Variants in ARHGEF12 observed in about 807,000 individuals in gnomAD.
ARHGEF12 encodes Rho guanine nucleotide exchange factor 12.
Under a neutral mutation model 211.2 loss-of-function variants are expected in ARHGEF12, and 66 were observed. The ratio of observed to expected loss-of-function variants is 0.31; its 90% CI spans 0.26 to 0.38. The LOEUF (loss-of-function observed/expected upper bound fraction) is 0.38. Ranked by LOEUF, ARHGEF12 falls within the 10% of genes least tolerant of loss-of-function variation. The pLI is 1.00. For synonymous variants in ARHGEF12, 592 were observed against 638.4 expected (o/e 0.93, Z 1.09); for missense variants, 1,429 against 1,869.5 (o/e 0.76, Z 4.34).
intron 1 of ARHGEF12, among the ~76,000 whole-genome samples, chr11:120,386,587 A>T (rs1944035184): frequency 6.6e-6 from 1 of 152,162 alleles, no homozygotes; most frequent in South Asian, 2.1e-4. Flanking sequence ...TAGGTTCTTT[A>T]GATGTATATC....
chr11:120,448,881 T>C (rs1168401510), intron 20 of ARHGEF12: 1 of 432,094 alleles, frequency 2.3e-6, no homozygotes, highest in Non-Finnish European at 4.1e-6. Context: ...ACCCTTTGAT[T>C]TTCCAAAGCT....
Position 120,486,458 on chromosome 11 carries a change from A to G in ARHGEF12, c.*1381A>G, listed in dbSNP as rs1482859099. On this transcript the variant is annotated 3_prime_UTR_variant, in exon 41 of 41. Coordinates refer to ENST00000397843, the MANE Select transcript of ARHGEF12 (RefSeq NM_015313.3). Reference sequence around the variant, plus strand: ...GGTAACTGCCTGCTCTAGGATGAATAGTAGCGTTAGCAGCACCCTACAGAG... The same window carrying G: ...GGTAACTGCCTGCTCTAGGATGAATGGTAGCGTTAGCAGCACCCTACAGAG... 2.2e-5 allele frequency: 5 copies of G among 231,272 alleles called. No individual in the cohort carries two copies. The highest frequency in any genetic ancestry group is 4.3e-5 in the Non-Finnish European group (5 of 116,776). 14.3% of individuals were successfully genotyped at this position (231,272 alleles called of 1,614,324 possible). A position where few individuals can be genotyped will look rare whatever the true frequency, so the allele number is the denominator to read the frequency against.
rs1319438820 is a variant in ARHGEF12, at chr11:120,447,063, G to C, written c.1567G>C (p.Val523Leu). ...EKERTCAEQI[V>L]AKIEEVLMTA... is the part of the protein sequence containing the mutation. ...GGAGCGGACATGTGCAGAACAGATT[G>C]TTGCCAAAATTGAAGAAGTATTGTA... Residue 523 changes from valine to leucine, a missense_variant, in exon 18 of 41, where the codon GTT becomes CTT. Val to Leu is a conservative substitution (Grantham distance 32, BLOSUM62 1). This residue lies in a region of ARHGEF12 where 373 missense variants were observed against 467.5 expected (regional missense o/e 0.80). Coordinates refer to ENST00000397843, the MANE Select transcript of ARHGEF12 (RefSeq NM_015313.3). 6.2e-7 allele frequency: 1 copy of C among 1,614,012 alleles called. No homozygotes were observed. The highest frequency in any genetic ancestry group is 1.1e-5 in the South Asian group (1 of 91,026).
chr11:120,354,269 C>T (rs1943072405), intron 1 of ARHGEF12, among the ~76,000 whole-genome samples: 1 of 152,174 alleles, frequency 6.6e-6, no homozygotes, highest in Non-Finnish European at 1.5e-5. Context: ...AGTCCTACCC[C>T]AGAGTGGTTG....
intron 5 of ARHGEF12, among the ~76,000 whole-genome samples, chr11:120,421,429 GTTTTTTTTTTTTGT>G (rs1253200957): frequency 3.8e-5 from 3 of 79,880 alleles, no homozygotes; most frequent in South Asian, 5.9e-4. Flanking sequence ...TTACAGCCTT[GTTTTTTTTTTTTGT>G]TTTTTTTTTT....
chr11:120,339,690 G>A (rs1457673532), intron 1 of ARHGEF12, among the ~76,000 whole-genome samples: 1 of 152,166 alleles, frequency 6.6e-6, no homozygotes, highest in Admixed American at 6.5e-5. Flanking sequence ...CAGACTAGCT[G>A]GTTTTGGGCG....
intron 1 of ARHGEF12, among the ~76,000 whole-genome samples, chr11:120,393,065 T>C (rs944187036): frequency 2.1e-4 from 32 of 152,156 alleles, no homozygotes; most frequent in Admixed American, 8.5e-4. Context: ...TAGTTCTCAA[T>C]AAAAATGTAT....
intron 4 of ARHGEF12, chr11:120,410,340 A>C (rs956412453): frequency 1.3e-5 from 2 of 149,904 alleles, no homozygotes; most frequent in African/African-American, 4.9e-5. Context: ...TGAATAAGAG[A>C]GGAATTACCT....
At chr11:120,418,196 T>A (rs909273529) in intron 4 of ARHGEF12, among the ~76,000 whole-genome samples, 2 of 152,226 alleles carry the variant, frequency 1.3e-5, no homozygotes, top group African/African-American at 4.8e-5. Context: ...TGCAGAAAGT[T>A]CCTTCATTTC....
intron 1 of ARHGEF12, among the ~76,000 whole-genome samples, chr11:120,383,120 C>T (rs1943924434): frequency 6.6e-6 from 1 of 152,006 alleles, no homozygotes; most frequent in South Asian, 2.1e-4. Context: ...GCCTGGGCGA[C>T]AGAGCCAGAC....
At chr11:120,410,094 T>A (rs1181206340) in intron 4 of ARHGEF12, 7 of 152,290 alleles carry the variant, frequency 4.6e-5, no homozygotes, top group East Asian at 1.9e-4. Context: ...TTTTAAATAA[T>A]CTTAACAAAG....
intron 33 of ARHGEF12, chr11:120,476,458 A>T: frequency 2.5e-6 from 1 of 397,274 alleles, no homozygotes; most frequent in Non-Finnish European, 4.5e-6. Flanking sequence ...TCTTTGTTTT[A>T]TTGAAGTACA....
intron 1 of ARHGEF12, among the ~76,000 whole-genome samples, chr11:120,343,205 C>A (rs1942588847): frequency 6.6e-6 from 1 of 151,958 alleles, no homozygotes; most frequent in Non-Finnish European, 1.5e-5. Context: ...AGACTGTAGA[C>A]CTTTTGAATA....
chr11:120,434,567 G>A (rs191796783), intron 11 of ARHGEF12, among the ~76,000 whole-genome samples: 5 of 152,056 alleles, frequency 3.3e-5, no homozygotes, highest in East Asian at 1.9e-4. Flanking sequence ...TTTGAGTCGC[G>A]GTTTTACATT....
chr11:120,419,095 G>T (rs937494786), intron 4 of ARHGEF12, among the ~76,000 whole-genome samples: 4 of 151,822 alleles, frequency 2.6e-5, no homozygotes, highest in Non-Finnish European at 4.4e-5. Context: ...GAGTAGCTGG[G>T]ACTACAGGCA....
chr11:120,445,876 G>A (rs1387509730), intron 16 of ARHGEF12, among the ~76,000 whole-genome samples: 1 of 150,790 alleles, frequency 6.6e-6, no homozygotes. Flanking sequence ...TCCAGCCTGG[G>A]TGATAAGAGC....
intron 14 of ARHGEF12, 87 bp downstream of exon 14, chr11:120,441,904 C>A: frequency 8.4e-7 from 1 of 1,197,088 alleles, no homozygotes; most frequent in Non-Finnish European, 1.2e-6. Context: ...AACGAGTGGG[C>A]AGACTTCTTT....
intron 22 of ARHGEF12, among the ~76,000 whole-genome samples, chr11:120,454,957 C>T (rs905098000): frequency 1.3e-5 from 2 of 152,106 alleles, no homozygotes; most frequent in Non-Finnish European, 2.9e-5. Flanking sequence ...GAATTAGGCT[C>T]CACCCCTGAG....
intron 1 of ARHGEF12, among the ~76,000 whole-genome samples, chr11:120,359,236 T>C (rs966043361): frequency 6.6e-6 from 1 of 152,062 alleles, no homozygotes; most frequent in Non-Finnish European, 1.5e-5. Context: ...GCCCATTTTG[T>C]TTTTTTGAGA....
Sources: gnomAD v4.1 joint callset for allele counts (sites outside exome capture counted in the v4.1 genomes callset) on GRCh38, gnomAD v4.1.1 for gene constraint, gnomAD v4.1.1 regional missense constraint, MANE v1.5 for transcripts, NCBI Gene and HGNC (gene_info 2026-07-23, HGNC 2026-07-21) for gene names.